The following ZNF398 variants were observed in gnomAD, a reference collection of about 807,000 sequenced individuals.
ZNF398 encodes zinc finger protein 398.
A neutral mutation model predicts 41.9 loss-of-function variants in ZNF398; 18 were observed. The observed-to-expected ratio is 0.43, with a 90% CI of 0.30 to 0.64. The LOEUF (loss-of-function observed/expected upper bound fraction) is 0.64. ZNF398 is among the 30% of genes least tolerant of loss of function. The pLI is 0.14. For synonymous variants in ZNF398, 260 were observed against 308.8 expected (o/e 0.84, Z 1.66); for missense variants, 669 against 822.8 (o/e 0.81, Z 2.29).
In ZNF398 at chr7:149,147,699, C is replaced by T; in HGVS notation, c.-44C>T. On this transcript the variant is annotated 5_prime_UTR_variant, in exon 1 of 6. Coordinates refer to ENST00000475153, the MANE Select transcript of ZNF398 (RefSeq NM_170686.3). This position sits in a 1 kb window ranked among gnomAD's most constrained non-coding sequence, Gnocchi z 5.6. ...GAGCCGGGCGCGGTGGCAGCGGCGG[C>T]AGCGGCGGCGACTTCCGAGGCCCGG... is the stretch of plus-strand genomic sequence containing the variant. 7.8e-7 allele frequency: 1 copy of T among 1,282,606 alleles called. No homozygotes were observed. 79.5% of individuals were successfully genotyped at this position (1,282,606 alleles called of 1,614,324 possible). A position where few individuals can be genotyped will look rare whatever the true frequency, so the allele number is the denominator to read the frequency against.
At chr7:149,151,818 G>A (rs1335524105) in intron 1 of ZNF398, among the ~76,000 whole-genome samples, 1 of 138,620 alleles carries the variant, frequency 7.2e-6, no homozygotes, top group Non-Finnish European at 1.5e-5. Context: ...ACTGAATCTC[G>A]TTCTGTCGCG....
rs751478467 is a variant in ZNF398 at position 149,179,178 on chromosome 7, T to C, written c.1306T>C (p.Phe436Leu). ...CCCCTGTCCTGATTGCCCCAAGCGC[T>C]TTGCTGACCAGGCTCGACTCACCAG... ...PFPCPDCPKR[F>L]ADQARLTSHR... The change falls in exon 6 of 6, where the codon TTT becomes CTT. Residue 436 changes from phenylalanine (F) to leucine (L), a missense_variant. Physicochemically the swap from Phe to Leu is conservative, Grantham distance 22 (BLOSUM62 0). Transcript: ENST00000475153. The surrounding 1 kb of genome is among the most constrained non-coding windows in gnomAD (Gnocchi z 6.1). 4 of 1,613,484 alleles carry C rather than the reference T, an allele frequency of 2.5e-6. No homozygotes were observed. The East Asian group carries it at 6.7e-5, about 27-fold the overall frequency.
intron 2 of ZNF398, among the ~76,000 whole-genome samples, chr7:149,159,970 T>C (rs1446596192): frequency 2.6e-5 from 4 of 151,972 alleles, no homozygotes; most frequent in Non-Finnish European, 5.9e-5. Flanking sequence ...AAGTGATCCT[T>C]CTTCCTCAGC....
chr7:149,160,303 G>C (rs1202442), intron 2 of ZNF398, among the ~76,000 whole-genome samples: 99,283 of 152,024 alleles, frequency 0.65, 34,926 homozygotes, highest in East Asian at 0.94. Context: ...TGGTGGTGGG[G>C]GCCTGTAGTC....
At chr7:149,146,519 C>T (rs185022768), upstream of ZNF398, among the ~76,000 whole-genome samples, 1 of 152,136 alleles carries the variant, frequency 6.6e-6, no homozygotes, top group Admixed American at 6.6e-5. Flanking sequence ...ACTTGCACTC[C>T]AGCCTGGACG....
chr7:149,154,362 G>A lies in ZNF398; in HGVS notation c.420+22G>A, dbSNP rs202178367. The A allele has an allele frequency of 2.4e-5, 38 of 1,576,524 alleles. 3 individuals carry two copies. Among genetic ancestry groups the A allele is most frequent in the South Asian group, 2.1e-4 (18 of 86,016 alleles). On this transcript the variant is annotated intron_variant, in intron 2 of 5. Coordinates refer to ENST00000475153, the MANE Select transcript of ZNF398 (RefSeq NM_170686.3). ...AAAGGTAATACCTTCATTTCTAGAT[G>A]TAAAGTGGTACCACTAGAACTTACA... is the stretch of plus-strand genomic sequence containing the variant.
At chr7:149,127,852 C>A (rs1261763532) in intron 1 of ZNF398, among the ~76,000 whole-genome samples, 3 of 152,174 alleles carry the variant, frequency 2.0e-5, no homozygotes, top group Non-Finnish European at 4.4e-5. Context: ...CACCCTGAAA[C>A]TCCTTGTGCT....
chr7:149,182,422 T>C lies in ZNF398; in HGVS notation c.*2621T>C, dbSNP rs1795612606. 6.6e-6 allele frequency: 1 copy of C among 152,152 alleles called. No individual in the cohort carries two copies. Among genetic ancestry groups the C allele is most frequent in the Non-Finnish European group, 1.5e-5 (1 of 68,032 alleles). The allele number at this position is 152,152 out of a possible 1,614,324, so 9.4% of individuals were successfully genotyped here. A position where few individuals can be genotyped will look rare whatever the true frequency, so the allele number is the denominator to read the frequency against. ...TGTTTGCTTAAGATTCAAAAGTGGGTAAGTAAAATGGATCAGTGGGAAGGA... is the reference window on the plus strand; with the variant it reads ...TGTTTGCTTAAGATTCAAAAGTGGGCAAGTAAAATGGATCAGTGGGAAGGA... On this transcript the variant is annotated 3_prime_UTR_variant, in exon 6 of 6. Transcript: ENST00000475153.
chr7:149,152,504 C>T (rs1794865026), intron 1 of ZNF398, among the ~76,000 whole-genome samples: 1 of 151,750 alleles, frequency 6.6e-6, no homozygotes, highest in Non-Finnish European at 1.5e-5. Context: ...TCGTGATCCA[C>T]CCCCTCGGCC....
chr7:149,155,724 T>TA (rs1266017416), intron 2 of ZNF398, among the ~76,000 whole-genome samples: 1,686 of 83,436 alleles, frequency 0.02, 27 homozygotes, highest in Middle Eastern at 0.042. Flanking sequence ...TTTTTTTTTT[T>TA]TTTTTAATTT....
At chr7:149,137,828 G>A (rs2129519461) in intron 2 of ZNF398, among the ~76,000 whole-genome samples, 1 of 152,268 alleles carries the variant, frequency 6.6e-6, no homozygotes, top group South Asian at 2.1e-4. Flanking sequence ...ATTTAGTTGT[G>A]AAAAACTGGA....
At chr7:149,159,945 C>T (rs1336566296) in intron 2 of ZNF398, among the ~76,000 whole-genome samples, 1 of 151,892 alleles carries the variant, frequency 6.6e-6, no homozygotes, top group Non-Finnish European at 1.5e-5. Flanking sequence ...AGGCTTGTCT[C>T]GAACTCCTGA....
At chr7:149,171,671 TTTTATTA>T (rs1030057581) in intron 4 of ZNF398, among the ~76,000 whole-genome samples, 6 of 151,402 alleles carry the variant, frequency 4.0e-5, no homozygotes, top group Non-Finnish European at 8.8e-5. Flanking sequence ...GGGATTTACT[TTTTATTA>T]TTTATTTATT....
chr7:149,153,460 C>A (rs1794903830), intron 1 of ZNF398, among the ~76,000 whole-genome samples: 1 of 152,172 alleles, frequency 6.6e-6, no homozygotes, highest in African/African-American at 2.4e-5. Flanking sequence ...TATCTGAAAA[C>A]AGCTCTCATG....
In ZNF398 at chr7:149,179,722, C is replaced by G. The variant is rs778615097; in HGVS notation, c.1850C>G (p.Thr617Ser). Residue 617 changes from threonine (T) to serine (S), a missense_variant, in exon 6 of 6, where the codon ACT (threonine) becomes AGT (serine). Around this residue, in one of 3 missense-constraint regions of ZNF398, gnomAD observed 210 missense variants for 290.4 expected, o/e 0.72. Coordinates refer to ENST00000475153, the MANE Select transcript of ZNF398 (RefSeq NM_170686.3). The surrounding 1 kb of genome is among the most constrained non-coding windows in gnomAD (Gnocchi z 6.1). ...GGTCCCCTCATAACTGGGCTTGAAA[C>G]TTCTGGCCTGGGTGTCAACACTGAA... ...PPGPLITGLETSGLGVNTEGL... is the reference protein window; with the variant it reads ...PPGPLITGLESSGLGVNTEGL... 1.9e-6 allele frequency: 3 copies of G among 1,614,006 alleles called. No individual in the cohort carries two copies. Among genetic ancestry groups the G allele is most frequent in the Non-Finnish European group, 2.5e-6 (3 of 1,179,896 alleles).
chr7:149,142,785 T>C (rs1375015669), upstream of ZNF398, among the ~76,000 whole-genome samples: 1 of 152,212 alleles, frequency 6.6e-6, no homozygotes, highest in African/African-American at 2.4e-5. Flanking sequence ...TTTTCCCTAC[T>C]TAATGAAAAA....
rs1397379231 is a variant in ZNF398, at chr7:149,166,290, G to T, written c.547+6G>T. ...CGAGTCTCTCATCTCCATGGGTGAGGCTGAGTTGACACCTTTTGAATGAAG... is the reference window on the plus strand; with the variant it reads ...CGAGTCTCTCATCTCCATGGGTGAGTCTGAGTTGACACCTTTTGAATGAAG... On this transcript the variant is annotated splice_donor_region_variant and intron_variant, in intron 3 of 5. Coordinates refer to ENST00000475153, the MANE Select transcript of ZNF398 (RefSeq NM_170686.3). 6.2e-7 allele frequency: 1 copy of T among 1,610,916 alleles called. No individual in the cohort carries two copies.
At chr7:149,161,827 GA>G (rs1795110446) in intron 2 of ZNF398, among the ~76,000 whole-genome samples, 1 of 148,260 alleles carries the variant, frequency 6.7e-6, no homozygotes, top group Non-Finnish European at 1.5e-5. Flanking sequence ...AAAAAAAGGG[GA>G]ATTGTTAAAA....
chr7:149,150,181 A>G (rs1827077017), intron 1 of ZNF398, among the ~76,000 whole-genome samples: 1 of 152,238 alleles, frequency 6.6e-6, no homozygotes. Flanking sequence ...GAGAAAGTTG[A>G]ATGAATTTAG....
Sources: gnomAD v4.1 joint callset for allele counts (sites outside exome capture counted in the v4.1 genomes callset) on GRCh38, gnomAD v4.1.1 for gene constraint, gnomAD v4.1.1 regional missense constraint, Gnocchi (gnomAD v3.1) non-coding constraint, MANE v1.5 for transcripts, NCBI Gene and HGNC (gene_info 2026-07-23, HGNC 2026-07-21) for gene names.